SLC25A21: variants seen among roughly 807,000 people sequenced by gnomAD.
The protein encoded by SLC25A21 is solute carrier family 25 member 21, also known as mitochondrial 2-oxodicarboxylate carrier.
In SLC25A21, 47 loss-of-function variants were observed where a neutral mutation model predicts 43.8. The ratio of observed to expected loss-of-function variants is 1.07; its 90% CI spans 0.85 to 1.37. SLC25A21 has a LOEUF of 1.37. Ranked by LOEUF, SLC25A21 falls within the 40% of genes most tolerant of loss-of-function variation. The pLI is 0.00. For synonymous variants in SLC25A21, 131 were observed against 121.3 expected (o/e 1.08, Z -0.52); for missense variants, 352 against 350.2 (o/e 1.00, Z -0.04).
intron 1 of SLC25A21, among the ~76,000 whole-genome samples, chr14:36,914,427 C>A (rs1407935442): frequency 6.6e-6 from 1 of 152,140 alleles, no homozygotes; most frequent in African/African-American, 2.4e-5. Context: ...CAGGCTTTTG[C>A]CCCTGCTGCA....
intron 1 of SLC25A21, among the ~76,000 whole-genome samples, chr14:37,033,964 G>C (rs1164570515): frequency 6.6e-6 from 1 of 151,992 alleles, no homozygotes; most frequent in Non-Finnish European, 1.5e-5. Context: ...TTAGCAATTT[G>C]GAATAAGGTT....
intron 7 of SLC25A21, among the ~76,000 whole-genome samples, chr14:36,689,173 G>T (rs1359102074): frequency 6.6e-6 from 1 of 152,212 alleles, no homozygotes; most frequent in Non-Finnish European, 1.5e-5. Context: ...TTACGTGGAT[G>T]GCAGCAGGCC....
Position 37,033,411 on chromosome 14 carries a change from A to C in SLC25A21, c.70+138870T>G, listed in dbSNP as rs188222072. Among the ~76,000 whole-genome samples, 5 of 152,356 alleles carry C rather than the reference A, an allele frequency of 3.3e-5. No individual in the cohort carries two copies. The East Asian group carries it at 9.6e-4, about 29-fold the overall frequency. On this transcript the variant is annotated intron_variant, in intron 1 of 9. Coordinates refer to ENST00000331299, the MANE Select transcript of SLC25A21 (RefSeq NM_030631.4). ...TTCACCTGAAAATCTTCATCATAAC[A>C]TAATATTTTTGGAGGAAACTGAAGT... is the stretch of plus-strand genomic sequence containing the variant.
intron 1 of SLC25A21, among the ~76,000 whole-genome samples, chr14:36,933,275 C>A (rs1191490047): frequency 6.6e-6 from 1 of 152,090 alleles, no homozygotes; most frequent in Non-Finnish European, 1.5e-5. Flanking sequence ...CCTGAGCTGA[C>A]CCTTCTTGGA....
intron 1 of SLC25A21, among the ~76,000 whole-genome samples, chr14:36,955,398 T>G (rs1959313037): frequency 6.6e-6 from 1 of 152,248 alleles, no homozygotes; most frequent in Non-Finnish European, 1.5e-5. Context: ...AATTATCACT[T>G]GGACTGATAC....
At chr14:36,772,573 A>G (rs1322707249) in intron 3 of SLC25A21, among the ~76,000 whole-genome samples, 1 of 152,222 alleles carries the variant, frequency 6.6e-6, no homozygotes, top group Non-Finnish European at 1.5e-5. Context: ...GAGAACAAAA[A>G]AAATCTGATT....
At chr14:36,897,632 T>C (rs1891281742) in intron 1 of SLC25A21, among the ~76,000 whole-genome samples, 1 of 152,156 alleles carries the variant, frequency 6.6e-6, no homozygotes, top group Admixed American at 6.5e-5. Context: ...GAGTTTCCAG[T>C]TTTACTGCTC....
At chr14:36,892,963 GT>G (rs1392548199) in intron 1 of SLC25A21, among the ~76,000 whole-genome samples, 12 of 152,162 alleles carry the variant, frequency 7.9e-5, no homozygotes, top group African/African-American at 2.7e-4. Context: ...GGGCATTTGG[GT>G]TGGTTCCAAG....
intron 1 of SLC25A21, among the ~76,000 whole-genome samples, chr14:36,923,352 CAA>C (rs1265980516): frequency 3.9e-5 from 6 of 152,018 alleles, no homozygotes; most frequent in Non-Finnish European, 5.9e-5. Flanking sequence ...ATTTTAAAAA[CAA>C]GAGTAAAATA....
At chr14:36,710,262 A>T (rs1344297857) in intron 7 of SLC25A21, among the ~76,000 whole-genome samples, 15 of 151,822 alleles carry the variant, frequency 9.9e-5, no homozygotes, top group Non-Finnish European at 1.5e-4. Context: ...AATCTCAGCC[A>T]CTCAGGAGGC....
chr14:36,887,773 C>T (rs536405158), intron 1 of SLC25A21, among the ~76,000 whole-genome samples: 12 of 152,226 alleles, frequency 7.9e-5, no homozygotes, highest in Non-Finnish European at 1.2e-4. Flanking sequence ...CTCTATCAAC[C>T]AGAAAGATAC....
At chr14:37,001,664 G>A (rs553100048) in intron 1 of SLC25A21, among the ~76,000 whole-genome samples, 9 of 151,106 alleles carry the variant, frequency 6.0e-5, no homozygotes, top group South Asian at 4.2e-4. Flanking sequence ...TTTGCTAAGC[G>A]CTACTTCTGG....
intron 1 of SLC25A21, among the ~76,000 whole-genome samples, chr14:36,958,662 T>G (rs1468779220): frequency 6.8e-6 from 1 of 147,496 alleles, no homozygotes; most frequent in Non-Finnish European, 1.5e-5. Context: ...TGTAGAGATG[T>G]ACACATAAGC....
intron 1 of SLC25A21, among the ~76,000 whole-genome samples, chr14:37,083,930 C>A (rs1351860616): frequency 6.6e-6 from 1 of 152,188 alleles, no homozygotes; most frequent in East Asian, 1.9e-4. Flanking sequence ...ATGCATTTAG[C>A]CATCATCACC....
chr14:36,711,629 A>T, intron 6 of SLC25A21, 147 bp from the exon 7 acceptor site: 1 of 843,140 alleles, frequency 1.2e-6, no homozygotes. Context: ...TGTGTTTTTT[A>T]AAATCAGCAA....
In SLC25A21 at chr14:37,074,562, T is replaced by C. The variant is rs573392079; in HGVS notation, c.70+97719A>G. Among the ~76,000 whole-genome samples the C allele has an allele frequency of 6.6e-5, 10 of 152,320 alleles. No homozygotes were observed. In the East Asian group the frequency reaches 1.9e-3, roughly 29 times the overall value. ...GAATTCAAAAGGCAGCCAGGCATGG[T>C]GGCTCACACCTGTAATCCCAGGACT... On this transcript the variant is annotated intron_variant, in intron 1 of 9. Coordinates refer to ENST00000331299, the MANE Select transcript of SLC25A21 (RefSeq NM_030631.4).
At chr14:37,006,608 G>A (rs947428562) in intron 1 of SLC25A21, among the ~76,000 whole-genome samples, 11 of 151,868 alleles carry the variant, frequency 7.2e-5, no homozygotes, top group African/African-American at 2.2e-4. Flanking sequence ...CATACTGCCC[G>A]ATCTATCAAC....
chr14:37,029,360 C>A (rs1190542208), intron 1 of SLC25A21, among the ~76,000 whole-genome samples: 1 of 152,168 alleles, frequency 6.6e-6, no homozygotes, highest in African/African-American at 2.4e-5. Context: ...TACCCCTTTG[C>A]AGACTCCATA....
intron 2 of SLC25A21, among the ~76,000 whole-genome samples, chr14:36,856,007 G>A (rs983172035): frequency 4.6e-5 from 7 of 152,166 alleles, no homozygotes; most frequent in African/African-American, 1.7e-4. Flanking sequence ...GCTGCAGACA[G>A]GGCCTTGCAA....
Sources: gnomAD v4.1 joint callset for allele counts (sites outside exome capture counted in the v4.1 genomes callset) on GRCh38, gnomAD v4.1.1 for gene constraint, MANE v1.5 for transcripts, NCBI Gene and HGNC (gene_info 2026-07-23, HGNC 2026-07-21) for gene names.